The following PCDHA1 variants were observed in gnomAD, a reference collection of about 807,000 sequenced individuals.
PCDHA1 encodes protocadherin alpha 1.
Under a neutral mutation model 61.3 loss-of-function variants are expected in PCDHA1, and 42 were observed. The observed-to-expected ratio is 0.69, with a 90% CI of 0.54 to 0.89. The LOEUF (loss-of-function observed/expected upper bound fraction) is 0.89. Ranked by LOEUF, PCDHA1 falls within the 40% of genes least tolerant of loss-of-function variation. The pLI is 0.00. For missense variants in PCDHA1, 1,256 were observed against 1,235.3 expected, an observed-to-expected ratio of 1.02 and a Z score of -0.25; for synonymous variants, 610 against 553.8, an observed-to-expected ratio of 1.10 and a Z score of -1.43.
At chr5:140,829,736 G>T (rs2150173634) in intron 1 of PCDHA1, 2 of 1,613,682 alleles carry the variant, frequency 1.2e-6, no homozygotes, top group South Asian at 1.1e-5. Flanking sequence ...GGGCAGCAAC[G>T]TGACGCTGCA....
rs202032784 is a variant in PCDHA1, at chr5:140,927,180, C to T, written c.2395-51769C>T. On this transcript the variant is annotated intron_variant, in intron 1 of 3. Coordinates refer to ENST00000504120, the MANE Select transcript of PCDHA1 (RefSeq NM_018900.4). ...GGGCCAAAGCTGCCTGCGTCTTGAC[C>T]TACGACCTGGTGCTCGAGGACCCGC... is the stretch of plus-strand genomic sequence containing the variant. 5 of 1,614,048 alleles carry T rather than the reference C, an allele frequency of 3.1e-6. No homozygotes were observed. The South Asian group carries it at 3.3e-5, about 11-fold the overall frequency.
chr5:140,928,288 C>CA (rs1554205700), intron 1 of PCDHA1: 1 of 1,614,156 alleles, frequency 6.2e-7, no homozygotes, highest in East Asian at 2.2e-5. Flanking sequence ...CTCTCTAGGC[C>CA]GAGTGTTTGC....
At chr5:140,960,923 G>A (rs1478943565) in intron 1 of PCDHA1, among the ~76,000 whole-genome samples, 1 of 152,168 alleles carries the variant, frequency 6.6e-6, no homozygotes, top group African/African-American at 2.4e-5. Context: ...TAGAAAATTG[G>A]TACTAAGTTT....
intron 1 of PCDHA1, among the ~76,000 whole-genome samples, chr5:140,972,293 C>T (rs912767406): frequency 2.0e-5 from 3 of 151,768 alleles, no homozygotes; most frequent in Non-Finnish European, 4.4e-5. Flanking sequence ...ATGTGCGCCA[C>T]CGTGTCTGAC....
chr5:140,807,638 C>A (rs1554124171), intron 1 of PCDHA1: 2 of 1,614,074 alleles, frequency 1.2e-6, no homozygotes, highest in Non-Finnish European at 1.7e-6. Context: ...GCTTGACTCT[C>A]GGTTTCCACT....
intron 1 of PCDHA1, chr5:140,841,697 G>A (rs1777423806): frequency 2.5e-6 from 4 of 1,613,882 alleles, no homozygotes; most frequent in African/African-American, 1.3e-5. Flanking sequence ...GGTGAAGGAT[G>A]TTAATGACAA....
chr5:140,833,430 A>G (rs2150208513), intron 1 of PCDHA1, among the ~76,000 whole-genome samples: 6 of 152,230 alleles, frequency 3.9e-5, no homozygotes, highest in Non-Finnish European at 7.3e-5. Flanking sequence ...GAGATGGCTG[A>G]GCACTGAAAT....
At chr5:140,931,460 G>GA (rs3836748) in intron 1 of PCDHA1, among the ~76,000 whole-genome samples, 48,962 of 151,596 alleles carry the variant, frequency 0.32, 8,170 homozygotes, top group East Asian at 0.53. Flanking sequence ...AAAAATATAG[G>GA]AATGACAGAG....
In PCDHA1 at chr5:140,802,306, C is replaced by T. The variant is rs782597355; in HGVS notation, c.2394+13622C>T. 2.5e-6 allele frequency: 4 copies of T among 1,614,142 alleles called. No homozygotes were observed. In the African/African-American group the frequency reaches 4.0e-5, roughly 16 times the overall value. ...GACTCTCCACTTAGCACAGTCATCG[C>T]TCTGATCAGCGTGTCCGACCGCGAC... On this transcript the variant is annotated intron_variant, in intron 1 of 3. Coordinates refer to ENST00000504120, the MANE Select transcript of PCDHA1 (RefSeq NM_018900.4).
intron 1 of PCDHA1, among the ~76,000 whole-genome samples, chr5:140,965,785 T>C (rs1315730975): frequency 1.3e-5 from 2 of 152,222 alleles, no homozygotes; most frequent in East Asian, 3.8e-4. Context: ...GCCTACAGCT[T>C]CATGGAGACT....
intron 1 of PCDHA1, chr5:140,881,249 A>G (rs1582554645): frequency 2.3e-6 from 1 of 434,858 alleles, no homozygotes; most frequent in Non-Finnish European, 3.1e-6. Context: ...AATGACGGCA[A>G]GGTTTTACTC....
intron 1 of PCDHA1, chr5:140,856,888 TA>T (rs782463832): frequency 1.3e-6 from 2 of 1,596,688 alleles, no homozygotes; most frequent in Non-Finnish European, 1.7e-6. Context: ...TGTATTCATT[TA>T]GCTCTTTGGT....
intron 1 of PCDHA1, chr5:140,836,490 G>T: frequency 6.2e-7 from 1 of 1,613,864 alleles, no homozygotes; most frequent in Non-Finnish European, 8.5e-7. Flanking sequence ...CCTGATCATC[G>T]CCATCTGCGC....
intron 1 of PCDHA1, among the ~76,000 whole-genome samples, chr5:140,931,320 G>A (rs1350182542): frequency 6.6e-6 from 1 of 151,992 alleles, no homozygotes; most frequent in Non-Finnish European, 1.5e-5. Context: ...TACCAGTAAT[G>A]GCTGTAAAGT....
rs199940622 is a variant in PCDHA1, at chr5:140,870,517, C to T, written c.2394+81833C>T. ...GAAGGAGAACAACCCACCAGGCTGCCACATCTTCACAGTGTCGGCGCGGGA... is the reference window on the plus strand; with the variant it reads ...GAAGGAGAACAACCCACCAGGCTGCTACATCTTCACAGTGTCGGCGCGGGA... On this transcript the variant is annotated intron_variant, in intron 1 of 3. Coordinates refer to ENST00000504120, the MANE Select transcript of PCDHA1 (RefSeq NM_018900.4). The T allele has an allele frequency of 6.8e-6, 11 of 1,614,224 alleles. No homozygotes were observed. Among genetic ancestry groups the T allele is most frequent in the Non-Finnish European group, 9.3e-6 (11 of 1,180,048 alleles).
intron 1 of PCDHA1, among the ~76,000 whole-genome samples, chr5:140,827,144 T>C (rs1554130721): frequency 6.6e-6 from 1 of 152,204 alleles, no homozygotes; most frequent in African/African-American, 2.4e-5. Flanking sequence ...AAAGAAGGGA[T>C]GCAGATATGG....
At chr5:140,892,260 T>C (rs2063449120) in intron 1 of PCDHA1, among the ~76,000 whole-genome samples, 1 of 152,218 alleles carries the variant, frequency 6.6e-6, no homozygotes, top group East Asian at 1.9e-4. Flanking sequence ...TCTTTGATTT[T>C]GTGCTGAAAG....
At chr5:140,934,574 A>G in intron 1 of PCDHA1, among the ~76,000 whole-genome samples, 1 of 152,124 alleles carries the variant, frequency 6.6e-6, no homozygotes, top group Non-Finnish European at 1.5e-5. Flanking sequence ...AATTAATTGT[A>G]ACATTTCTGT....
At chr5:140,928,044 T>A (rs782342331) in intron 1 of PCDHA1, 1 of 1,614,196 alleles carries the variant, frequency 6.2e-7, no homozygotes, top group South Asian at 1.1e-5. Context: ...GTGCAGGCCC[T>A]TTTCAGCTGA....
Sources: allele counts gnomAD v4.1 joint callset (sites outside exome capture counted in the v4.1 genomes callset), GRCh38; gene constraint gnomAD v4.1.1; transcripts MANE v1.5; gene names NCBI Gene and HGNC (gene_info 2026-07-23, HGNC 2026-07-21).